ATF6: variants seen among roughly 807,000 people sequenced by gnomAD.
The protein encoded by ATF6 is cyclic AMP-dependent transcription factor ATF-6 alpha.
A neutral mutation model predicts 83.6 loss-of-function variants in ATF6; 53 were observed. The observed-to-expected ratio is 0.63, with a 90% CI of 0.51 to 0.80. ATF6 has a LOEUF of 0.80. Among genes scored for constraint, ATF6 ranks in the 30% least tolerant of loss-of-function variants. The pLI is 0.00. For synonymous variants in ATF6, 288 were observed against 285.8 expected, an observed-to-expected ratio of 1.01 and a Z score of -0.08; for missense variants, 744 against 797.9, an observed-to-expected ratio of 0.93 and a Z score of 0.81.
chr1:161,787,331 A>T (rs1253956172), intron 4 of ATF6, among the ~76,000 whole-genome samples: 2 of 152,146 alleles, frequency 1.3e-5, no homozygotes, highest in African/African-American at 4.8e-5. Flanking sequence ...TATTTTATTC[A>T]ACAGATTATA....
chr1:161,921,414 GCTAGGATAGATA>G (rs939210648), intron 15 of ATF6, among the ~76,000 whole-genome samples: 21 of 152,262 alleles, frequency 1.4e-4, no homozygotes, highest in East Asian at 3.9e-4. Context: ...GCGAAGATGA[GCTAGGATAGATA>G]CTAGGATAGA....
At chr1:161,802,821 A>G (rs1017160705) in intron 7 of ATF6, among the ~76,000 whole-genome samples, 1 of 152,162 alleles carries the variant, frequency 6.6e-6, no homozygotes, top group Non-Finnish European at 1.5e-5. Context: ...ATTTTCTAGC[A>G]TGTTGTAGGG....
chr1:161,789,252 CTTTTTTTTTTT>C (rs71755584), intron 4 of ATF6, among the ~76,000 whole-genome samples: 1 of 101,380 alleles, frequency 9.9e-6, no homozygotes, highest in African/African-American at 5.0e-5. Context: ...ATTCCTTCTC[CTTTTTTTTTTT>C]TTTTTTTTTT....
chr1:161,849,911 T>A (rs1417631229), intron 10 of ATF6, among the ~76,000 whole-genome samples: 1 of 152,162 alleles, frequency 6.6e-6, no homozygotes, highest in Non-Finnish European at 1.5e-5. Context: ...ACAACTGTGT[T>A]TTTTCCTTTC....
Position 161,792,694 on chromosome 1 carries a change from G to C in ATF6, c.688+367G>C, listed in dbSNP as rs539573904. ...TTTGAAGGAATATTTAAAATAATAG[G>C]GTCCATTTCAGGTGTGTTATAGCAA... On this transcript the variant is annotated intron_variant, in intron 6 of 15. Coordinates refer to ENST00000367942, the MANE Select transcript of ATF6 (RefSeq NM_007348.4). Among the ~76,000 whole-genome samples, 13 of 152,218 alleles carry C rather than the reference G, an allele frequency of 8.5e-5. No homozygotes were observed. The East Asian group carries it at 2.3e-3, about 27-fold the overall frequency.
At chr1:161,838,475 G>C (rs74853573) in intron 9 of ATF6, among the ~76,000 whole-genome samples, 12,899 of 152,158 alleles carry the variant, frequency 0.085, 861 homozygotes, top group East Asian at 0.2. Context: ...GTTAGCTGGG[G>C]TGGCTTAGGT....
At chr1:161,944,797 G>C (rs1688718985) in intron 15 of ATF6, among the ~76,000 whole-genome samples, 1 of 152,178 alleles carries the variant, frequency 6.6e-6, no homozygotes, top group Admixed American at 6.5e-5. Context: ...TGGTGTCTGG[G>C]GGTCAGGAAA....
chr1:161,873,451 T>C (rs1687154904), intron 14 of ATF6, among the ~76,000 whole-genome samples: 1 of 151,560 alleles, frequency 6.6e-6, no homozygotes, highest in South Asian at 2.1e-4. Context: ...TGACTCAGGA[T>C]CAAGGTCTGA....
At chr1:161,907,045 A>G (rs1220693958) in intron 14 of ATF6, among the ~76,000 whole-genome samples, 2 of 152,078 alleles carry the variant, frequency 1.3e-5, no homozygotes, top group African/African-American at 2.4e-5. Flanking sequence ...GTATATTTTT[A>G]TGATTTCAAA....
At chr1:161,772,059 T>G (rs565129728) in intron 1 of ATF6, among the ~76,000 whole-genome samples, 1 of 152,330 alleles carries the variant, frequency 6.6e-6, no homozygotes, top group African/African-American at 2.4e-5. Context: ...CCAGCTTACT[T>G]CCTTTAGTAT....
chr1:161,838,904 C>A lies in ATF6; in HGVS notation c.1188-7545C>A, dbSNP rs141680151. On this transcript the variant is annotated intron_variant, in intron 9 of 15. Transcript: ENST00000367942. Reference sequence around the variant, plus strand: ...TCTAATAAATTACCCCCAGTTACTACTAGGCTGCAAAAATCATCTCTGAAC... The same window carrying A: ...TCTAATAAATTACCCCCAGTTACTAATAGGCTGCAAAAATCATCTCTGAAC... Among the ~76,000 whole-genome samples the A allele has an allele frequency of 5.3e-5, 8 of 152,248 alleles. No homozygotes were observed. In the East Asian group the frequency reaches 1.4e-3, roughly 26 times the overall value.
chr1:161,857,887 C>T (rs866141225), intron 12 of ATF6, among the ~76,000 whole-genome samples: 1 of 152,070 alleles, frequency 6.6e-6, no homozygotes, highest in African/African-American at 2.4e-5. Flanking sequence ...TCAAGATTGA[C>T]TGCAGTAACT....
intron 13 of ATF6, among the ~76,000 whole-genome samples, chr1:161,860,505 A>C (rs1686860682): frequency 6.6e-6 from 1 of 151,696 alleles, no homozygotes; most frequent in Admixed American, 6.6e-5. Flanking sequence ...AAATCCCTTA[A>C]ATACAAATTT....
chr1:161,881,135 G>A (rs76157571), intron 14 of ATF6, among the ~76,000 whole-genome samples: 2,320 of 152,144 alleles, frequency 0.015, 27 homozygotes, highest in Admixed American at 0.024. Flanking sequence ...AGGATTTTGT[G>A]TGTGTGTTGT....
intron 14 of ATF6, among the ~76,000 whole-genome samples, chr1:161,909,981 C>G (rs529178332): frequency 3.3e-5 from 5 of 151,776 alleles, no homozygotes; most frequent in African/African-American, 1.2e-4. Context: ...CAGTAAGAGG[C>G]CAGTAAATAT....
At chr1:161,886,934 C>T (rs114040032) in intron 14 of ATF6, among the ~76,000 whole-genome samples, 121 of 152,306 alleles carry the variant, frequency 7.9e-4, no homozygotes, top group Non-Finnish European at 1.5e-3. Context: ...TTGGCAACTA[C>T]AGTCGACAAA....
intron 9 of ATF6, among the ~76,000 whole-genome samples, chr1:161,845,775 C>CAA (rs66887008): frequency 0.054 from 3,986 of 74,382 alleles, 113 homozygotes; most frequent in South Asian, 0.13. Flanking sequence ...GACCCTGTCT[C>CAA]AAAAAAAAAA....
chr1:161,798,030 T>C (rs1311436956), intron 6 of ATF6, among the ~76,000 whole-genome samples: 1 of 152,184 alleles, frequency 6.6e-6, no homozygotes, highest in Non-Finnish European at 1.5e-5. Flanking sequence ...CCTGCAACCA[T>C]CTGGTCTTTA....
intron 14 of ATF6, among the ~76,000 whole-genome samples, chr1:161,902,350 G>A (rs529987323): frequency 1.3e-5 from 2 of 152,254 alleles, no homozygotes; most frequent in African/African-American, 4.8e-5. Context: ...AATTTTTACT[G>A]CTTCAACAAG....
Sources: gnomAD v4.1 joint callset for allele counts (sites outside exome capture counted in the v4.1 genomes callset) on GRCh38, gnomAD v4.1.1 for gene constraint, MANE v1.5 for transcripts, NCBI Gene and HGNC (gene_info 2026-07-23, HGNC 2026-07-21) for gene names.